Variants in TEX29 observed in about 807,000 individuals in gnomAD.
TEX29 encodes testis expressed 29.
TEX29 carries 26 observed loss-of-function variants against 18.2 expected under a neutral mutation model. The observed-to-expected ratio is 1.43, with a 90% CI of 1.04 to 1.98. The LOEUF is 1.98. TEX29 is among the 30% of genes most tolerant of loss of function. The probability of loss-of-function intolerance (pLI) is 0.00; values close to 1 mark genes in which losing one functional copy is unlikely to be tolerated. For missense variants in TEX29, 177 were observed against 194.2 expected (o/e 0.91, Z 0.53); for synonymous variants, 83 against 78.5 (o/e 1.06, Z -0.31).
At chr13:111,323,820 G>C (rs1222717237) in intron 2 of TEX29, among the ~76,000 whole-genome samples, 1 of 152,202 alleles carries the variant, frequency 6.6e-6, no homozygotes, top group Non-Finnish European at 1.5e-5. Context: ...CACACACCAT[G>C]CCAGCTCCCT....
chr13:111,322,528 GC>G (rs2093666501), intron 2 of TEX29, among the ~76,000 whole-genome samples: 1 of 152,188 alleles, frequency 6.6e-6, no homozygotes, highest in Admixed American at 6.5e-5. Context: ...GCTGCTGGAG[GC>G]TGGTGCCACT....
intron 3 of TEX29, among the ~76,000 whole-genome samples, chr13:111,335,579 G>A (rs137926659): frequency 1.4e-4 from 21 of 152,288 alleles, no homozygotes; most frequent in South Asian, 2.1e-4. Flanking sequence ...GCTCACAGTC[G>A]TGCTCAGTTC....
At chr13:111,317,030 C>T (rs747366359), upstream of TEX29, among the ~76,000 whole-genome samples, 4 of 152,186 alleles carry the variant, frequency 2.6e-5, no homozygotes, top group Non-Finnish European at 5.9e-5. Context: ...CACCCCCCAC[C>T]ACGTCCCTCT....
chr13:111,326,028 G>T (rs1278112060), intron 2 of TEX29, among the ~76,000 whole-genome samples: 1 of 152,214 alleles, frequency 6.6e-6, no homozygotes, highest in African/African-American at 2.4e-5. Context: ...TGGGGAGGGC[G>T]CCTGGCACTG....
chr13:111,320,828 C>T (rs536465881), intron 1 of TEX29, 29 bp from the exon 2 acceptor site: 66 of 1,608,624 alleles, frequency 4.1e-5, no homozygotes, highest in African/African-American at 1.6e-4. Flanking sequence ...CCCAGGGCCC[C>T]GCCCGTGCTG....
chr13:111,316,266 C>G (rs771278672), upstream of TEX29: 1 of 497,854 alleles, frequency 2.0e-6, no homozygotes. Flanking sequence ...CAGTAAGTAT[C>G]TGTTGGATGA....
chr13:111,316,470 C>T (rs1011626487), upstream of TEX29, among the ~76,000 whole-genome samples: 15 of 152,226 alleles, frequency 9.9e-5, no homozygotes, highest in African/African-American at 1.7e-4. Flanking sequence ...TGCTGCAAGA[C>T]GGTGGCATTT....
intron 2 of TEX29, among the ~76,000 whole-genome samples, chr13:111,327,243 G>C (rs2093675556): frequency 6.6e-6 from 1 of 152,226 alleles, no homozygotes; most frequent in East Asian, 1.9e-4. Context: ...GAGGATGAGG[G>C]CTGCAGCCGC....
chr13:111,320,983 T>TGGGGGGGCGCGGGGGGGGGGGGGGGGGG, intron 2 of TEX29, 35 bp downstream of exon 2: 1 of 193,526 alleles, frequency 5.2e-6, no homozygotes, highest in East Asian at 9.2e-5. Flanking sequence ...GCGGGTGGGG[T>TGGGGGGGCGCGGGGGGGGGGGGGGGGGG]GGGGGAGCAG....
intron 2 of TEX29, among the ~76,000 whole-genome samples, chr13:111,323,693 G>A (rs1567158432): frequency 6.6e-6 from 1 of 151,472 alleles, no homozygotes; most frequent in Admixed American, 6.6e-5. Context: ...GCTCCAGGCA[G>A]GAAGGCCACA....
At chr13:111,317,662 C>T (rs930062550), upstream of TEX29, among the ~76,000 whole-genome samples, 1 of 152,374 alleles carries the variant, frequency 6.6e-6, no homozygotes, top group African/African-American at 2.4e-5. Context: ...TGCTTTCACA[C>T]AGCAGCACCG....
intron 3 of TEX29, chr13:111,339,149 G>T: frequency 2.4e-6 from 1 of 420,092 alleles, no homozygotes; most frequent in Non-Finnish European, 4.8e-6. Flanking sequence ...GCTGCCCCTC[G>T]TGGCCACCTG....
At chr13:111,324,132 G>A (rs571798581) in intron 2 of TEX29, among the ~76,000 whole-genome samples, 5 of 152,192 alleles carry the variant, frequency 3.3e-5, no homozygotes, top group Admixed American at 1.3e-4. Flanking sequence ...AATCGTGACC[G>A]CAGGCACGTC....
At chr13:111,338,961 C>T (rs1033590729) in intron 3 of TEX29, among the ~76,000 whole-genome samples, 4 of 152,206 alleles carry the variant, frequency 2.6e-5, no homozygotes, top group Admixed American at 6.5e-5. Context: ...TATCAGCCCT[C>T]GGTGCTGGGC....
upstream of TEX29, among the ~76,000 whole-genome samples, chr13:111,319,774 C>T (rs373212356): frequency 5.9e-5 from 9 of 152,234 alleles, no homozygotes; most frequent in African/African-American, 1.4e-4. Context: ...ATTACAGGTG[C>T]GCACCATTAT....
chr13:111,323,515 C>A (rs900647727), intron 2 of TEX29, among the ~76,000 whole-genome samples: 4 of 152,240 alleles, frequency 2.6e-5, no homozygotes, highest in African/African-American at 9.6e-5. Context: ...ACTTTCCACA[C>A]CGGTGTGAGT....
chr13:111,328,342 G>T, intron 3 of TEX29, 49 bp downstream of exon 3: 1 of 1,273,972 alleles, frequency 7.8e-7, no homozygotes, highest in South Asian at 1.2e-5. Flanking sequence ...GGTAGCTGGT[G>T]ACCATGCCGA....
chr13:111,317,609 T>C (rs551951394), upstream of TEX29, among the ~76,000 whole-genome samples: 28 of 152,342 alleles, frequency 1.8e-4, no homozygotes, highest in Non-Finnish European at 3.8e-4. Flanking sequence ...CGGTTTATTG[T>C]CCCAGCGAAG....
chr13:111,320,988 G>GGGGGGGGGGCC, intron 2 of TEX29, 40 bp downstream of exon 2: 2 of 431,428 alleles, frequency 4.6e-6, no homozygotes, highest in Non-Finnish European at 8.6e-6. Flanking sequence ...TGGGGTGGGG[G>GGGGGGGGGGCC]AGCAGTTGGG....
Sources: allele counts gnomAD v4.1 joint callset (sites outside exome capture counted in the v4.1 genomes callset), GRCh38; gene constraint gnomAD v4.1.1; transcripts MANE v1.5; gene names NCBI Gene and HGNC (gene_info 2026-07-23, HGNC 2026-07-21).